ADGRV1: variants seen among roughly 807,000 people sequenced by gnomAD.
ADGRV1 encodes G-protein coupled receptor 98.
ADGRV1 carries 359 observed loss-of-function variants against 596.2 expected under a neutral mutation model. The observed-to-expected ratio is 0.60, with a 90% CI of 0.55 to 0.66. The LOEUF is 0.66. Ranked by LOEUF, ADGRV1 falls within the 30% of genes least tolerant of loss-of-function variation. ADGRV1 has a pLI of 0.00. For synonymous variants in ADGRV1, 2,681 were observed against 2,679.2 expected (o/e 1.00, Z -0.02); for missense variants, 7,274 against 7,575.6 (o/e 0.96, Z 1.48).
chr5:90,638,510 A>G (rs1370761732), intron 11 of ADGRV1, among the ~76,000 whole-genome samples: 1 of 151,184 alleles, frequency 6.6e-6, no homozygotes, highest in Non-Finnish European at 1.5e-5. Flanking sequence ...GGTAATTTAT[A>G]TTAAGAAAAC....
At chr5:90,591,903 AT>A (rs1422785786) in intron 1 of ADGRV1, among the ~76,000 whole-genome samples, 1 of 152,218 alleles carries the variant, frequency 6.6e-6, no homozygotes, top group African/African-American at 2.4e-5. Context: ...GGGTGATTTA[AT>A]TTCACATTTT....
rs1484169845 is a variant in ADGRV1, at chr5:90,753,645, A to G, written c.11193A>G (p.Leu3731=). 1.2e-6 allele frequency: 2 copies of G among 1,613,520 alleles called. No homozygotes were observed. Among genetic ancestry groups the G allele is most frequent in the Non-Finnish European group, 1.7e-6 (2 of 1,179,542 alleles). The change falls in exon 54 of 90, where the codon TTA becomes TTG. Residue 3731 remains leucine, a synonymous_variant. Transcript: ENST00000405460. The part of the protein sequence containing the change: ...LTILADNIPE[L]SEVVIVTLTR... Reference sequence around the variant, plus strand: ...TTCTTGCTGATAATATACCAGAGTTATCAGAGGTTGTGATTGTAACCCTCA... The same window carrying G: ...TTCTTGCTGATAATATACCAGAGTTGTCAGAGGTTGTGATTGTAACCCTCA...
chr5:91,037,428 T>G (rs1785000063), intron 85 of ADGRV1, among the ~76,000 whole-genome samples: 2 of 152,070 alleles, frequency 1.3e-5, no homozygotes, highest in Non-Finnish European at 2.9e-5. Context: ...AAGAGTTGTC[T>G]TCCAATGTTT....
intron 78 of ADGRV1, chr5:90,846,566 GAGGTTC>G (rs1765897472): frequency 6.3e-6 from 1 of 157,786 alleles, no homozygotes; most frequent in Non-Finnish European, 1.4e-5. Flanking sequence ...TGTTCCTTCT[GAGGTTC>G]GGATGTGTTC....
chr5:90,989,103 G>A (rs1017044778), intron 85 of ADGRV1, among the ~76,000 whole-genome samples: 1 of 151,880 alleles, frequency 6.6e-6, no homozygotes, highest in Non-Finnish European at 1.5e-5. Flanking sequence ...GTAAACATAC[G>A]TGTGCATGTG....
In ADGRV1 at chr5:90,753,845, T is replaced by C. The variant is rs759483503; in HGVS notation, c.11377+16T>C. ...GAGCCTAAAGGTAAATATTGTTAAA[T>C]ATCTTTCAAGTTTTAATGAGAAGCT... On this transcript the variant is annotated intron_variant, in intron 54 of 89. Transcript: ENST00000405460. 4 of 1,559,896 alleles carry C rather than the reference T, an allele frequency of 2.6e-6. No individual in the cohort carries two copies. The Admixed American group carries it at 7.6e-5, about 29-fold the overall frequency.
chr5:90,767,359 G>T (rs546832182), intron 59 of ADGRV1, among the ~76,000 whole-genome samples: 7 of 151,696 alleles, frequency 4.6e-5, no homozygotes, highest in Admixed American at 6.6e-5. Context: ...AAACCAGAAT[G>T]CAATTAATTA....
chr5:90,799,115 T>C (rs932428494), intron 70 of ADGRV1, among the ~76,000 whole-genome samples: 2 of 152,122 alleles, frequency 1.3e-5, no homozygotes, highest in Non-Finnish European at 2.9e-5. Flanking sequence ...GATATTCAAA[T>C]AGAAAAGGAG....
intron 83 of ADGRV1, among the ~76,000 whole-genome samples, chr5:90,926,960 A>G (rs1361775793): frequency 1.3e-5 from 2 of 151,820 alleles, no homozygotes; most frequent in Non-Finnish European, 2.9e-5. Context: ...GAGATTCCTA[A>G]TCCTGAGTTC....
intron 58 of ADGRV1, among the ~76,000 whole-genome samples, chr5:90,760,794 G>A (rs140050494): frequency 6.6e-6 from 1 of 152,064 alleles, no homozygotes; most frequent in African/African-American, 2.4e-5. Context: ...AGAAAAAAAG[G>A]CTAATTAATC....
In ADGRV1 at chr5:90,694,638, G is replaced by A. The variant is rs1389664444; in HGVS notation, c.7882G>A (p.Gly2628Ser). Residue 2628 changes from glycine to serine, a missense_variant, in exon 33 of 90, where the codon GGT becomes AGT. By Grantham distance (56) the Gly-to-Ser change is moderately conservative. Around this residue, in one of 5 missense-constraint regions of ADGRV1, gnomAD observed 3,643 missense variants for 3,809.2 expected, o/e 0.96. Coordinates refer to ENST00000405460, the MANE Select transcript of ADGRV1 (RefSeq NM_032119.4). Reference protein sequence around the residue: ...GQVAVEWRVVGGTATEGLDFI... With the variant: ...GQVAVEWRVVSGTATEGLDFI... ...AGTGGCAGTCGAATGGCGTGTTGTT[G>A]GTGGAACAGCTACTGAAGGTTTAGA... 6.2e-7 allele frequency: 1 copy of A among 1,613,222 alleles called. No individual in the cohort carries two copies. The highest frequency in any genetic ancestry group is 1.1e-5 in the South Asian group (1 of 90,986).
chr5:91,051,585 C>T (rs1352958762), intron 85 of ADGRV1, among the ~76,000 whole-genome samples: 4 of 128,988 alleles, frequency 3.1e-5, no homozygotes, highest in Admixed American at 9.4e-5. Context: ...CTCACTCTGT[C>T]GCCCAGGCTG....
intron 69 of ADGRV1, 90 bp from the exon 70 acceptor site, chr5:90,790,783 T>G (rs950414294): frequency 5.0e-5 from 40 of 792,654 alleles, no homozygotes; most frequent in Non-Finnish European, 7.4e-5. Flanking sequence ...ATTTTTTTTT[T>G]GTATATTATA....
intron 20 of ADGRV1, among the ~76,000 whole-genome samples, chr5:90,657,568 G>A (rs1769594949): frequency 6.6e-6 from 1 of 152,030 alleles, no homozygotes. Flanking sequence ...ATACATACAT[G>A]CATACGTGTG....
At chr5:90,679,489 A>G (rs1744659392) in intron 25 of ADGRV1, 60 bp from the exon 26 acceptor site, 6 of 1,230,700 alleles carry the variant, frequency 4.9e-6, no homozygotes, top group Non-Finnish European at 5.9e-6. Context: ...AAGACCTCTC[A>G]ATTTTCTCAT....
intron 83 of ADGRV1, among the ~76,000 whole-genome samples, chr5:90,941,586 C>G (rs1327023089): frequency 6.6e-6 from 1 of 152,126 alleles, no homozygotes; most frequent in African/African-American, 2.4e-5. Context: ...ACTGCCAACC[C>G]CATCCCCCAA....
At position 90,854,329 on chromosome 5, in the gene ADGRV1, A is replaced by G. The variant is rs998925337; in HGVS notation, c.17594+128A>G. The G allele has an allele frequency of 1.5e-5, 9 of 616,296 alleles. No individual in the cohort carries two copies. In the Admixed American group the frequency reaches 2.8e-4, roughly 19 times the overall value. The allele number at this position is 616,296 out of a possible 1,614,324, so 38.2% of individuals were successfully genotyped here. A position where few individuals can be genotyped will look rare whatever the true frequency, so the allele number is the denominator to read the frequency against. On this transcript the variant is annotated intron_variant, in intron 81 of 89. Transcript: ENST00000405460. ...CATTAGACTGGAAAATAACCTCCAC[A>G]ATAAATAAGAGGAAGCAGCATAGGA...
chr5:91,034,455 A>G (rs1332309002), intron 85 of ADGRV1, among the ~76,000 whole-genome samples: 1 of 152,172 alleles, frequency 6.6e-6, no homozygotes, highest in Non-Finnish European at 1.5e-5. Flanking sequence ...TTAGAAAAGA[A>G]TGTGTTTTTA....
intron 25 of ADGRV1, among the ~76,000 whole-genome samples, chr5:90,677,504 T>C (rs1438982402): frequency 6.6e-6 from 1 of 152,180 alleles, no homozygotes; most frequent in African/African-American, 2.4e-5. Context: ...CTATAAAATA[T>C]TTGAAAAGTT....
Sources: allele counts gnomAD v4.1 joint callset (sites outside exome capture counted in the v4.1 genomes callset), GRCh38; gene constraint gnomAD v4.1.1; regional missense constraint gnomAD v4.1.1; transcripts MANE v1.5; gene names NCBI Gene and HGNC (gene_info 2026-07-23, HGNC 2026-07-21).